Variants in ELOVL5 observed in about 807,000 individuals in gnomAD.
The protein encoded by ELOVL5 is very long chain fatty acid elongase 5.
In ELOVL5, 8 loss-of-function variants were observed where a neutral mutation model predicts 38.6. That is an observed-to-expected ratio of 0.21 (90% confidence interval 0.12 to 0.37). The LOEUF is 0.37. ELOVL5 is among the 10% of genes least tolerant of loss of function. The probability of loss-of-function intolerance (pLI) is 1.00; values close to 1 mark genes in which losing one functional copy is unlikely to be tolerated. For missense variants in ELOVL5, 280 were observed against 367.8 expected (o/e 0.76, Z 1.95); for synonymous variants, 127 against 133.7 (o/e 0.95, Z 0.34).
intron 1 of ELOVL5, among the ~76,000 whole-genome samples, chr6:53,338,142 T>C (rs1474459251): frequency 1.3e-5 from 2 of 152,172 alleles, no homozygotes; most frequent in Non-Finnish European, 2.9e-5. Context: ...GGCAAGTAGA[T>C]CATGCAATGA....
intron 1 of ELOVL5, among the ~76,000 whole-genome samples, chr6:53,347,745 G>A (rs948689094): frequency 2.2e-4 from 32 of 143,576 alleles, no homozygotes; most frequent in African/African-American, 8.2e-4. Flanking sequence ...CGCCACCTCC[G>A]CCACTTTGCA....
intron 6 of ELOVL5, among the ~76,000 whole-genome samples, chr6:53,271,974 A>G (rs552180427): frequency 1.3e-5 from 2 of 152,330 alleles, no homozygotes; most frequent in East Asian, 1.9e-4. Context: ...TTTCTCCTCA[A>G]GTATAACAAG....
intron 1 of ELOVL5, among the ~76,000 whole-genome samples, chr6:53,346,298 T>A (rs1769538944): frequency 6.6e-6 from 1 of 152,200 alleles, no homozygotes; most frequent in Non-Finnish European, 1.5e-5. Flanking sequence ...ATTTTCTTTA[T>A]CCAGTCTATC....
chr6:53,287,764 A>G, intron 3 of ELOVL5: 2 of 1,071,764 alleles, frequency 1.9e-6, no homozygotes, highest in Non-Finnish European at 2.8e-6. Flanking sequence ...ATCGGCTAAG[A>G]AAGGCCGGAG....
chr6:53,301,968 A>C (rs1581951430), intron 1 of ELOVL5, among the ~76,000 whole-genome samples: 1 of 152,160 alleles, frequency 6.6e-6, no homozygotes, highest in Admixed American at 6.6e-5. Flanking sequence ...GAGGGAGTTC[A>C]GCACACCTTC....
Position 53,280,192 on chromosome 6 carries a change from T to A in ELOVL5, c.247-3936A>T, listed in dbSNP as rs140696785. Among the ~76,000 whole-genome samples the A allele has an allele frequency of 5.8e-3, 879 of 152,318 alleles. 9 individuals carry two copies. Among genetic ancestry groups the A allele is most frequent in the African/African-American group, 0.02 (833 of 41,558 alleles). ...GAAGTACTGAAAATAGGGGCAGGTGTCTGTCTACCTTGGGCTTCTGAGAAT... is the reference window on the plus strand; with the variant it reads ...GAAGTACTGAAAATAGGGGCAGGTGACTGTCTACCTTGGGCTTCTGAGAAT... On this transcript the variant is annotated intron_variant, in intron 3 of 7. Transcript: ENST00000304434.
In ELOVL5 at chr6:53,269,110, G is replaced by T; in HGVS notation, c.*17C>A. On this transcript the variant is annotated 3_prime_UTR_variant, in exon 8 of 8. Coordinates refer to ENST00000304434, the MANE Select transcript of ELOVL5 (RefSeq NM_021814.5). The stretch of plus-strand genomic sequence containing the variant: ...ACAATCAGATGACGTGGTTTGGAGG[G>T]TTTCAATTCTTTGACTTCAATCCTT... The T allele has an allele frequency of 6.2e-7, 1 of 1,611,550 alleles. No individual in the cohort carries two copies. The highest frequency in any genetic ancestry group is 8.5e-7 in the Non-Finnish European group (1 of 1,179,150).
At chr6:53,290,791 G>C (rs1426996010) in intron 3 of ELOVL5, among the ~76,000 whole-genome samples, 1 of 131,280 alleles carries the variant, frequency 7.6e-6, no homozygotes, top group Non-Finnish European at 1.6e-5. Context: ...GCCTGAGGCT[G>C]ATGGAGAATT....
chr6:53,270,622 T>C lies in ELOVL5; in HGVS notation c.727A>G (p.Ile243Val). The part of the protein sequence containing the change: ...YFQIGYMISL[I>V]ALFTNFYIQT... ...ATGTAGAAGTTTGTGAAGAGAGCAATCAGGGAAATCATGTATCCAATCTGG... is the reference window on the plus strand; with the variant it reads ...ATGTAGAAGTTTGTGAAGAGAGCAACCAGGGAAATCATGTATCCAATCTGG... Residue 243 changes from isoleucine to valine, a missense_variant, in exon 7 of 8, where the codon ATT becomes GTT. Ile to Val is a conservative substitution (Grantham distance 29, BLOSUM62 3). This residue lies in a region of ELOVL5 where 125 missense variants were observed against 158.9 expected (regional missense o/e 0.79). Transcript: ENST00000304434. The C allele has an allele frequency of 6.2e-7, 1 of 1,614,084 alleles. No individual in the cohort carries two copies. Among genetic ancestry groups the C allele is most frequent in the Non-Finnish European group, 8.5e-7 (1 of 1,180,002 alleles).
chr6:53,348,339 T>C (rs921677813), intron 1 of ELOVL5, among the ~76,000 whole-genome samples: 2 of 151,252 alleles, frequency 1.3e-5, no homozygotes, highest in Admixed American at 1.3e-4. Context: ...GCACAGGCTC[T>C]TCGAACTCAC....
At chr6:53,320,896 T>C (rs1042950002) in intron 1 of ELOVL5, among the ~76,000 whole-genome samples, 3 of 152,178 alleles carry the variant, frequency 2.0e-5, no homozygotes, top group African/African-American at 2.4e-5. Context: ...AATATGCACT[T>C]TAAAAACAGG....
chr6:53,348,761 G>A (rs1358724399), intron 1 of ELOVL5, 56 bp downstream of exon 1: 3 of 451,466 alleles, frequency 6.6e-6, no homozygotes, highest in South Asian at 1.6e-5. Context: ...CGCTCGCGCG[G>A]GTGTCATGGC....
chr6:53,300,407 A>G (rs1767203527), intron 1 of ELOVL5, among the ~76,000 whole-genome samples: 1 of 152,184 alleles, frequency 6.6e-6, no homozygotes, highest in Non-Finnish European at 1.5e-5. Context: ...AAAGACCATA[A>G]ACATATATTA....
At chr6:53,341,561 T>C (rs1769332511) in intron 1 of ELOVL5, among the ~76,000 whole-genome samples, 1 of 152,252 alleles carries the variant, frequency 6.6e-6, no homozygotes, top group Non-Finnish European at 1.5e-5. Flanking sequence ...CCTCGTGGGC[T>C]TTTGTGAAGC....
chr6:53,305,115 C>T (rs1052952040), intron 1 of ELOVL5, among the ~76,000 whole-genome samples: 2 of 149,752 alleles, frequency 1.3e-5, no homozygotes, highest in Non-Finnish European at 3.0e-5. Context: ...CTGACCCCCC[C>T]ACCTCCCTCC....
intron 7 of ELOVL5, among the ~76,000 whole-genome samples, chr6:53,269,850 C>T (rs1765859512): frequency 6.6e-6 from 1 of 152,200 alleles, no homozygotes; most frequent in African/African-American, 2.4e-5. Context: ...CACTGAAACT[C>T]AACATGCCAC....
At chr6:53,271,507 G>A (rs923145609) in intron 6 of ELOVL5, among the ~76,000 whole-genome samples, 33 of 151,914 alleles carry the variant, frequency 2.2e-4, no homozygotes, top group African/African-American at 6.3e-4. Flanking sequence ...CCGAGATCGC[G>A]CCACTGCACT....
chr6:53,291,928 A>G lies in ELOVL5; in HGVS notation c.94T>C (p.Tyr32His). The G allele has an allele frequency of 6.2e-7, 1 of 1,602,988 alleles. No individual in the cohort carries two copies. The highest frequency in any genetic ancestry group is 8.5e-7 in the Non-Finnish European group (1 of 1,173,410). The change falls in exon 3 of 8, where the codon TAT (tyrosine) becomes CAT (histidine). Residue 32 changes from tyrosine (Y) to histidine (H), a missense_variant. Coordinates refer to ENST00000304434, the MANE Select transcript of ELOVL5 (RefSeq NM_021814.5). ...ACAGAGCAGATAAATGTGGGTATAT[A>G]ATTGTCCAGAAGAAACCATCCTTTT... ...RVKGWFLLDN[Y>H]IPTFICSVIY... is the part of the protein sequence containing the mutation.
chr6:53,279,570 A>G (rs780415244), intron 3 of ELOVL5, among the ~76,000 whole-genome samples: 1 of 152,206 alleles, frequency 6.6e-6, no homozygotes, highest in Non-Finnish European at 1.5e-5. Context: ...TGTCAAACAA[A>G]TATTTGCTAA....
Sources: allele counts gnomAD v4.1 joint callset (sites outside exome capture counted in the v4.1 genomes callset), GRCh38; gene constraint gnomAD v4.1.1; regional missense constraint gnomAD v4.1.1; transcripts MANE v1.5; gene names NCBI Gene and HGNC (gene_info 2026-07-23, HGNC 2026-07-21).